The following TASOR variants were observed in gnomAD, a reference collection of about 807,000 sequenced individuals.
The protein encoded by TASOR is transcription activation suppressor.
TASOR carries 53 observed loss-of-function variants against 178.6 expected under a neutral mutation model. The ratio of observed to expected loss-of-function variants is 0.30; its 90% CI spans 0.24 to 0.37. The LOEUF is 0.37. Among genes scored for constraint, TASOR ranks in the 10% least tolerant of loss-of-function variants. The pLI is 1.00. For synonymous variants in TASOR, 713 were observed against 696.2 expected (o/e 1.02, Z -0.38); for missense variants, 1,815 against 1,971.4 (o/e 0.92, Z 1.50).
At chr3:56,624,428 T>C (rs781127177) in intron 23 of TASOR, 51 bp downstream of exon 23, 4 of 1,577,234 alleles carry the variant, frequency 2.5e-6, no homozygotes, top group East Asian at 2.2e-5. Flanking sequence ...AGCAAAACCA[T>C]TCCTCTTTTT....
At chr3:56,637,430 G>C (rs1578207986) in intron 17 of TASOR, among the ~76,000 whole-genome samples, 1 of 152,214 alleles carries the variant, frequency 6.6e-6, no homozygotes, top group East Asian at 1.9e-4. Context: ...GCTGAGGCAG[G>C]AGAATCGCTT....
rs1440563212 is a variant in TASOR at position 56,673,718 on chromosome 3, G to C, written c.339C>G (p.Phe113Leu). 2 of 1,541,710 alleles carry C rather than the reference G, an allele frequency of 1.3e-6. No individual in the cohort carries two copies. The highest frequency in any genetic ancestry group is 1.4e-5 in the African/African-American group (1 of 72,116). The change falls in exon 2 of 24, where the codon TTC becomes TTG. Residue 113 changes from phenylalanine (F) to leucine (L), a missense_variant. Phe to Leu is a conservative substitution (Grantham distance 22, BLOSUM62 0). Around this residue, in one of 5 missense-constraint regions of TASOR, gnomAD observed 244 missense variants for 202.7 expected, o/e 1.20. Transcript: ENST00000683822. ...CTCGAGAGCCTGGAGTTAATGGCTG[G>C]AAAAGTGCTAAAATAAAAAAACAAA... ...PRKSREKKALFQPLTPGSREF... is the reference protein window; with the variant it reads ...PRKSREKKALLQPLTPGSREF...
chr3:56,624,804 A>G (rs1228157821), intron 22 of TASOR, 24 bp downstream of exon 22: 15 of 1,608,292 alleles, frequency 9.3e-6, no homozygotes, highest in Admixed American at 1.7e-5. Context: ...TTCATAGTAG[A>G]AAGCTTAGGA....
chr3:56,646,493 G>T (rs1490302799), intron 14 of TASOR, 29 bp downstream of exon 14: 2 of 1,524,914 alleles, frequency 1.3e-6, no homozygotes, highest in African/African-American at 1.4e-5. Context: ...TTTATTTTTG[G>T]CTGTTATAAG....
rs796072760 is a variant in TASOR at position 56,631,576 on chromosome 3, G to GTTT, written c.3747+1465_3747+1467dup. On this transcript the variant is annotated intron_variant, in intron 18 of 23. Coordinates refer to ENST00000683822, the MANE Select transcript of TASOR (RefSeq NM_001365635.2). ...GAAAGGCGTGTGTGTGTGTGTCTGT[G>GTTT]TTTTTTTGTTTTTTTTTTTTTTTTT... 7.1e-4 allele frequency among the ~76,000 whole-genome samples: 79 copies of GTTT among 110,994 alleles called. 1 individual carries two copies. Among genetic ancestry groups the GTTT allele is most frequent in the East Asian group, 1.6e-3 (5 of 3,064 alleles). The allele number at this position is 110,994 out of a possible 152,430, so 72.8% of individuals were successfully genotyped here. A position where few individuals can be genotyped will look rare whatever the true frequency, so the allele number is the denominator to read the frequency against.
chr3:56,642,790 A>T (rs2077152646), intron 14 of TASOR, among the ~76,000 whole-genome samples: 1 of 151,880 alleles, frequency 6.6e-6, no homozygotes, highest in African/African-American at 2.4e-5. Context: ...CTGGCTAACA[A>T]GGTGAAACCC....
intron 11 of TASOR, among the ~76,000 whole-genome samples, chr3:56,660,351 G>A (rs993929295): frequency 6.6e-6 from 1 of 151,886 alleles, no homozygotes; most frequent in Admixed American, 6.6e-5. Context: ...TCAGCTGGCT[G>A]TGGTGGTGTG....
intron 14 of TASOR, among the ~76,000 whole-genome samples, chr3:56,642,684 A>T (rs1362799227): frequency 2.6e-5 from 4 of 152,144 alleles, no homozygotes; most frequent in Non-Finnish European, 5.9e-5. Flanking sequence ...CAACATATAA[A>T]AATGTTCTGG....
At chr3:56,662,625 A>AC in intron 8 of TASOR, 135 bp from the exon 9 acceptor site, 1 of 508,022 alleles carries the variant, frequency 2.0e-6, no homozygotes, top group Non-Finnish European at 3.5e-6. Context: ...AAAAACAGTG[A>AC]CTCTTCTACA....
At chr3:56,682,592 G>C (rs2031902758) in intron 1 of TASOR, 84 bp downstream of exon 1, 23 of 1,257,650 alleles carry the variant, frequency 1.8e-5, no homozygotes, top group Non-Finnish European at 2.3e-5. Context: ...ATCTCGGATG[G>C]GTGTGGGAAG....
At position 56,645,535 on chromosome 3, in the gene TASOR, A is replaced by G. The variant is rs1480142304; in HGVS notation, c.2215+987T>C. Among the ~76,000 whole-genome samples, 3 of 152,238 alleles carry G rather than the reference A, an allele frequency of 2.0e-5. No individual in the cohort carries two copies. In the East Asian group the frequency reaches 5.8e-4, roughly 29 times the overall value. On this transcript the variant is annotated intron_variant, in intron 14 of 23. Transcript: ENST00000683822. ...GTTATGTCAACTTTCTATGAATGCAAAAGAACTCATTCTGTGCTTATCAAC... is the reference window on the plus strand; with the variant it reads ...GTTATGTCAACTTTCTATGAATGCAGAAGAACTCATTCTGTGCTTATCAAC...
intron 1 of TASOR, among the ~76,000 whole-genome samples, chr3:56,674,192 CTTTAAG>C (rs1484152283): frequency 7.5e-4 from 83 of 110,314 alleles, no homozygotes; most frequent in African/African-American, 3.0e-3. Context: ...ACACACTGGT[CTTTAAG>C]TTTAAAAAAA....
intron 18 of TASOR, among the ~76,000 whole-genome samples, chr3:56,631,475 T>C (rs933629815): frequency 5.3e-5 from 8 of 152,198 alleles, no homozygotes; most frequent in Admixed American, 2.6e-4. Context: ...ACTAATGTAA[T>C]TGCTCCAATG....
chr3:56,625,598 G>A (rs948360206), intron 21 of TASOR, among the ~76,000 whole-genome samples: 6 of 152,176 alleles, frequency 3.9e-5, no homozygotes, highest in African/African-American at 1.4e-4. Flanking sequence ...AGTGAGCTGA[G>A]ACTGCTCTAT....
chr3:56,632,431 C>T (rs542290940), intron 18 of TASOR, among the ~76,000 whole-genome samples: 9 of 151,776 alleles, frequency 5.9e-5, no homozygotes, highest in Admixed American at 1.3e-4. Context: ...GCCGAGATCA[C>T]GCCACTGCAC....
intron 18 of TASOR, among the ~76,000 whole-genome samples, chr3:56,631,624 C>T (rs557314085): frequency 2.7e-5 from 4 of 146,460 alleles, no homozygotes; most frequent in South Asian, 4.4e-4. Flanking sequence ...TGCTCTGTCG[C>T]CCAGGCTGGA....
Position 56,623,145 on chromosome 3 carries a change from C to A in TASOR, c.4905G>T (p.Glu1635Asp), listed in dbSNP as rs1371461700. ...CAGTATAAGCAGATAAGAAGTAATTCTCATTTTCTTGAGACTGACTTGATG... is the reference window on the plus strand; with the variant it reads ...CAGTATAAGCAGATAAGAAGTAATTATCATTTTCTTGAGACTGACTTGATG... Reference protein sequence around the residue: ...ALSSSQSQENENYFLSAYTES... With the variant: ...ALSSSQSQENDNYFLSAYTES... Residue 1635 changes from glutamate to aspartate, a missense_variant, in exon 24 of 24, where the codon GAG becomes GAT. Transcript: ENST00000683822. 6.2e-7 allele frequency: 1 copy of A among 1,613,572 alleles called. No homozygotes were observed. The highest frequency in any genetic ancestry group is 1.3e-5 in the African/African-American group (1 of 74,868).
chr3:56,642,328 A>G (rs2077141447), intron 14 of TASOR, among the ~76,000 whole-genome samples: 1 of 152,248 alleles, frequency 6.6e-6, no homozygotes, highest in Non-Finnish European at 1.5e-5. Flanking sequence ...TCAAGAACAA[A>G]AAGTATTATA....
chr3:56,655,437 T>C (rs1437397193), intron 11 of TASOR, among the ~76,000 whole-genome samples: 2 of 152,140 alleles, frequency 1.3e-5, no homozygotes, highest in African/African-American at 4.8e-5. Flanking sequence ...ACTTTTAAAT[T>C]AGGCATACTA....
Sources: gnomAD v4.1 joint callset for allele counts (sites outside exome capture counted in the v4.1 genomes callset) on GRCh38, gnomAD v4.1.1 for gene constraint, gnomAD v4.1.1 regional missense constraint, MANE v1.5 for transcripts, NCBI Gene and HGNC (gene_info 2026-07-23, HGNC 2026-07-21) for gene names.